Variants in L3MBTL2 observed in about 807,000 individuals in gnomAD.
The protein encoded by L3MBTL2 is lethal(3)malignant brain tumor-like protein 2.
A neutral mutation model predicts 86.4 loss-of-function variants in L3MBTL2; 49 were observed. The ratio of observed to expected loss-of-function variants is 0.57; its 90% CI spans 0.45 to 0.72. The LOEUF is 0.72. L3MBTL2 is among the 30% of genes least tolerant of loss of function. The pLI, the probability that L3MBTL2 is intolerant of heterozygous loss-of-function variation, is 0.00. For missense variants in L3MBTL2, 755 were observed against 923.7 expected, an observed-to-expected ratio of 0.82 and a Z score of 2.37; for synonymous variants, 336 against 350.6, an observed-to-expected ratio of 0.96 and a Z score of 0.47.
intron 8 of L3MBTL2, 152 bp from the exon 9 acceptor site, chr22:41,223,868 C>T: frequency 1.6e-6 from 1 of 639,644 alleles, no homozygotes; most frequent in Non-Finnish European, 2.8e-6. Context: ...CCAAGGTGAG[C>T]CTGGCAGCGC....
chr22:41,221,066 C>A, intron 7 of L3MBTL2, 133 bp from the exon 8 acceptor site: 1 of 957,620 alleles, frequency 1.0e-6, no homozygotes, highest in Non-Finnish European at 1.5e-6. Context: ...CAGATGAAGT[C>A]ATTGCTGGCC....
In L3MBTL2 at chr22:41,226,681, C is replaced by G. The variant is rs149593036; in HGVS notation, c.1524C>G (p.Phe508Leu). 1.1e-5 allele frequency: 18 copies of G among 1,613,666 alleles called. No individual in the cohort carries two copies. Among genetic ancestry groups the G allele is most frequent in the East Asian group, 2.2e-5 (1 of 44,896 alleles). Residue 508 changes from phenylalanine (F) to leucine (L), a missense_variant, in exon 13 of 17, where the codon TTC becomes TTG. Around this residue, in one of 3 missense-constraint regions of L3MBTL2, gnomAD observed 634 missense variants for 748.9 expected, o/e 0.85. Coordinates refer to ENST00000216237, the MANE Select transcript of L3MBTL2 (RefSeq NM_031488.5). Reference sequence around the variant, plus strand: ...CTCCAGGTTATGAGGCACAGACTTTCAACTGGGAGAACTACTTGGAGAAGA... The same window carrying G: ...CTCCAGGTTATGAGGCACAGACTTTGAACTGGGAGAACTACTTGGAGAAGA... ...TPPKGYEAQT[F>L]NWENYLEKTK...
intron 7 of L3MBTL2, 61 bp from the exon 8 acceptor site, chr22:41,221,138 C>T (rs553153708): frequency 3.2e-5 from 45 of 1,391,918 alleles, no homozygotes; most frequent in Middle Eastern, 4.5e-4. Flanking sequence ...TCGGCGCTAG[C>T]GCCCCTGTCA....
At chr22:41,222,051 C>T (rs2031865106) in intron 8 of L3MBTL2, among the ~76,000 whole-genome samples, 1 of 152,084 alleles carries the variant, frequency 6.6e-6, no homozygotes, top group South Asian at 2.1e-4. Context: ...GGTGCGCACA[C>T]ACCACCATAC....
chr22:41,212,755 C>A (rs183553755), intron 2 of L3MBTL2, among the ~76,000 whole-genome samples: 95 of 151,168 alleles, frequency 6.3e-4, no homozygotes, highest in African/African-American at 2.2e-3. Flanking sequence ...ATTAGCCAGG[C>A]GTGGTGGCAC....
Position 41,221,319 on chromosome 22 carries a change from C to T in L3MBTL2, c.942+32C>T. ...AGTGAGCCCTTAACTGATGTGCCTC[C>T]TTCCGCTCTTCCATTTTTCTGCATC... On this transcript the variant is annotated intron_variant, in intron 8 of 16. Transcript: ENST00000216237. The T allele has an allele frequency of 2.6e-6, 4 of 1,509,520 alleles. No individual in the cohort carries two copies. In the South Asian group the frequency reaches 3.6e-5, roughly 14 times the overall value. The allele number at this position is 1,509,520 out of a possible 1,614,324, so 93.5% of individuals were successfully genotyped here.
chr22:41,213,660 AT>A (rs2031101380), intron 2 of L3MBTL2: 1 of 393,948 alleles, frequency 2.5e-6, no homozygotes. Context: ...ATGGATTTCC[AT>A]TAGCCCCTCT....
chr22:41,208,397 T>TGG, intron 1 of L3MBTL2: 1 of 408,182 alleles, frequency 2.4e-6, no homozygotes, highest in Non-Finnish European at 4.8e-6. Flanking sequence ...CCCAAAGTGC[T>TGG]GGGATTACAG....
chr22:41,229,651 G>A lies in L3MBTL2; in HGVS notation c.2000G>A (p.Gly667Asp). The A allele has an allele frequency of 6.2e-7, 1 of 1,613,496 alleles. No homozygotes were observed. The highest frequency in any genetic ancestry group is 8.5e-7 in the Non-Finnish European group (1 of 1,180,042). The change falls in exon 16 of 17, where the codon GGC (glycine) becomes GAC (aspartate). Residue 667 changes from glycine to aspartate, a missense_variant. Physicochemically the swap from Gly to Asp is moderately conservative, Grantham distance 94. Coordinates refer to ENST00000216237, the MANE Select transcript of L3MBTL2 (RefSeq NM_031488.5). ...AAGATCTCGTCGGAGCCTGTTCCTG[G>A]CGAGAGTAAGAGCCACCGGGCTGGG... is the stretch of plus-strand genomic sequence containing the variant. The part of the protein sequence containing the change: ...ARKISSEPVP[G>D]EIIAVRVKEE...
In L3MBTL2 at chr22:41,219,460, G is replaced by A; in HGVS notation, c.642G>A (p.Met214Ile). Residue 214 changes from methionine (M) to isoleucine (I), a missense_variant, in exon 6 of 17, where the codon ATG (methionine) becomes ATA (isoleucine). Met to Ile is a conservative substitution (Grantham distance 10). Coordinates refer to ENST00000216237, the MANE Select transcript of L3MBTL2 (RefSeq NM_031488.5). ...AGTGGGAGGATGTGATGAAAGGGAT[G>A]AAGGTGGAGGTGCTCAACAGTGATG... is the stretch of plus-strand genomic sequence containing the variant. Reference protein sequence around the residue: ...YDQWEDVMKGMKVEVLNSDAV... With the variant: ...YDQWEDVMKGIKVEVLNSDAV... The A allele has an allele frequency of 3.7e-6, 6 of 1,613,978 alleles. No homozygotes were observed. The highest frequency in any genetic ancestry group is 5.1e-6 in the Non-Finnish European group (6 of 1,179,878).
chr22:41,226,830 CTT>C, intron 13 of L3MBTL2, 86 bp downstream of exon 13: 1 of 1,026,442 alleles, frequency 9.7e-7, no homozygotes, highest in Admixed American at 2.2e-5. Flanking sequence ...AGTTCCTACT[CTT>C]TCTCTCGAAT....
At chr22:41,213,866 G>A (rs2031124541) in intron 2 of L3MBTL2, 27 bp from the exon 3 acceptor site, 2 of 1,613,110 alleles carry the variant, frequency 1.2e-6, no homozygotes, top group East Asian at 2.2e-5. Context: ...CATATCGGGT[G>A]AGTCATGTGC....
At chr22:41,208,716 T>A (rs12167232) in intron 1 of L3MBTL2, among the ~76,000 whole-genome samples, 1,901 of 152,260 alleles carry the variant, frequency 0.012, 29 homozygotes, top group African/African-American at 0.044. Context: ...TGAGTTGAGA[T>A]CATTTTGATG....
intron 1 of L3MBTL2, among the ~76,000 whole-genome samples, chr22:41,208,078 C>T (rs993147594): frequency 3.3e-5 from 5 of 151,832 alleles, no homozygotes; most frequent in African/African-American, 7.3e-5. Flanking sequence ...GTGATCCGCC[C>T]GCCTCGGTCA....
At chr22:41,221,341 C>G (rs1160823598) in intron 8 of L3MBTL2, 54 bp downstream of exon 8, 3 of 1,414,760 alleles carry the variant, frequency 2.1e-6, no homozygotes, top group Non-Finnish European at 2.9e-6. Flanking sequence ...CATTTTTCTG[C>G]ATCCTGCATG....
At chr22:41,217,571 C>T (rs983472848) in intron 5 of L3MBTL2, 3 of 221,178 alleles carry the variant, frequency 1.4e-5, no homozygotes, top group East Asian at 1.3e-4. Flanking sequence ...CCGTGGGCCC[C>T]GAGAGGCAGA....
At position 41,225,599 on chromosome 22, in the gene L3MBTL2, GA is replaced by G. The variant is rs1483640567; in HGVS notation, c.1357-193del. Among the ~76,000 whole-genome samples, 1 of 152,216 alleles carries G rather than the reference GA, an allele frequency of 6.6e-6. No homozygotes were observed. The highest frequency in any genetic ancestry group is 1.9e-4 in the East Asian group (1 of 5,192). ...GGCGTGGTGTTTGCTGTCTAGTGGG[GA>G]AGAGAAAGAATCCCACGCGTATGCA... On this transcript the variant is annotated intron_variant, in intron 11 of 16. Transcript: ENST00000216237. This position sits in a 1 kb window ranked among gnomAD's most constrained non-coding sequence, Gnocchi z 4.1.
intron 15 of L3MBTL2, chr22:41,228,385 C>T (rs936172695): frequency 5.1e-5 from 50 of 985,470 alleles, no homozygotes; most frequent in Non-Finnish European, 5.4e-5. Context: ...TGGGGCCTCA[C>T]TCTACAGATT....
intron 2 of L3MBTL2, among the ~76,000 whole-genome samples, chr22:41,211,336 G>C (rs2030765749): frequency 6.6e-6 from 1 of 151,910 alleles, no homozygotes; most frequent in African/African-American, 2.4e-5. Flanking sequence ...GAGTAGCTGA[G>C]ACTACAGGTG....
Sources: gnomAD v4.1 joint callset for allele counts (sites outside exome capture counted in the v4.1 genomes callset) on GRCh38, gnomAD v4.1.1 for gene constraint, gnomAD v4.1.1 regional missense constraint, Gnocchi (gnomAD v3.1) non-coding constraint, MANE v1.5 for transcripts, NCBI Gene and HGNC (gene_info 2026-07-23, HGNC 2026-07-21) for gene names.